MAD1L1: variants seen among roughly 807,000 people sequenced by gnomAD.
The protein encoded by MAD1L1 is mitotic spindle assembly checkpoint protein MAD1.
MAD1L1 carries 95 observed loss-of-function variants against 96.9 expected under a neutral mutation model. The ratio of observed to expected loss-of-function variants is 0.98; its 90% CI spans 0.83 to 1.16. MAD1L1 has a LOEUF of 1.16. Among genes scored for constraint, MAD1L1 ranks in the 50% most tolerant of loss-of-function variants. MAD1L1 has a pLI of 0.00. For missense variants in MAD1L1, 1,007 were observed against 954.4 expected (o/e 1.06, Z -0.73); for synonymous variants, 473 against 396.6 (o/e 1.19, Z -2.29).
chr7:2,046,399 G>A (rs1325772602), intron 12 of MAD1L1, among the ~76,000 whole-genome samples: 2 of 152,240 alleles, frequency 1.3e-5, no homozygotes, highest in Non-Finnish European at 2.9e-5. Context: ...TCCCAGGCCC[G>A]GCGCCCGTGC....
chr7:2,093,040 A>G (rs961108505), intron 11 of MAD1L1, among the ~76,000 whole-genome samples: 1 of 151,840 alleles, frequency 6.6e-6, no homozygotes, highest in African/African-American at 2.4e-5. Flanking sequence ...GTTCAAGACC[A>G]GCCTGGCCAA....
intron 14 of MAD1L1, among the ~76,000 whole-genome samples, chr7:1,994,519 G>A (rs1422148520): frequency 6.6e-6 from 1 of 152,054 alleles, no homozygotes; most frequent in Non-Finnish European, 1.5e-5. Flanking sequence ...GGAGGACTGG[G>A]CAGGGCAGTG....
Position 1,851,818 on chromosome 7 carries a change from C to A in MAD1L1, c.1999-35590G>T, listed in dbSNP as rs936106950. ...CTAACTGATCTGTGACGCCTGCCTG[C>A]CAAAGGCCAGGCCTCCTAGGTGCTG... On this transcript the variant is annotated intron_variant, in intron 18 of 18. Transcript: ENST00000265854. Among the ~76,000 whole-genome samples, 16 of 152,170 alleles carry A rather than the reference C, an allele frequency of 1.1e-4. 1 individual carries two copies. The highest frequency in any genetic ancestry group is 4.6e-4 in the Admixed American group (7 of 15,276).
chr7:2,171,537 T>C (rs571400862), intron 10 of MAD1L1, among the ~76,000 whole-genome samples: 1 of 134,022 alleles, frequency 7.5e-6, no homozygotes, highest in Non-Finnish European at 1.5e-5. Flanking sequence ...ACCTCCACCG[T>C]GCAAAGGACA....
intron 16 of MAD1L1, among the ~76,000 whole-genome samples, chr7:1,952,814 G>A (rs1232106494): frequency 1.3e-5 from 2 of 152,366 alleles, no homozygotes; most frequent in East Asian, 3.9e-4. Context: ...CATGGTAGAA[G>A]GTTCAGGAGA....
At chr7:2,045,837 T>C (rs1783895114) in intron 12 of MAD1L1, among the ~76,000 whole-genome samples, 1 of 152,130 alleles carries the variant, frequency 6.6e-6, no homozygotes, top group Non-Finnish European at 1.5e-5. Flanking sequence ...TCCCTAAGCC[T>C]CGGAGCACAT....
intron 11 of MAD1L1, among the ~76,000 whole-genome samples, chr7:2,139,493 A>T (rs1788920016): frequency 6.6e-6 from 1 of 152,202 alleles, no homozygotes; most frequent in African/African-American, 2.4e-5. Flanking sequence ...TCTCAGGAGG[A>T]ACCAGACACT....
chr7:2,147,777 A>C (rs1470859687), intron 11 of MAD1L1, among the ~76,000 whole-genome samples: 1 of 152,224 alleles, frequency 6.6e-6, no homozygotes, highest in Non-Finnish European at 1.5e-5. Flanking sequence ...CCATGGGCTC[A>C]ATCCACATCT....
chr7:2,033,086 C>A (rs987549744), intron 12 of MAD1L1, among the ~76,000 whole-genome samples: 1 of 152,248 alleles, frequency 6.6e-6, no homozygotes, highest in African/African-American at 2.4e-5. Context: ...TAAACAGACG[C>A]AGAACTCCGA....
chr7:2,211,668 A>C (rs980431851), intron 10 of MAD1L1, among the ~76,000 whole-genome samples: 2 of 152,206 alleles, frequency 1.3e-5, no homozygotes, highest in African/African-American at 4.8e-5. Flanking sequence ...CCGGCCCTAC[A>C]GAAGTCTGTG....
chr7:2,047,627 G>T lies in MAD1L1; in HGVS notation c.1218+21567C>A, dbSNP rs9639201. ...GTCTCGTGGGAAAAGAAGCCAAAAT[G>T]CATAAAAGAACCAGTGTTCCAGAAT... On this transcript the variant is annotated intron_variant, in intron 12 of 18. Coordinates refer to ENST00000265854, the MANE Select transcript of MAD1L1 (RefSeq NM_001013836.2). Among the ~76,000 whole-genome samples, 821 of 152,348 alleles carry T rather than the reference G, an allele frequency of 5.4e-3. 24 individuals carry two copies. The East Asian group carries it at 0.091, about 17-fold the overall frequency.
chr7:1,940,373 T>TG (rs1195643051), intron 16 of MAD1L1: 2 of 152,248 alleles, frequency 1.3e-5, no homozygotes, highest in Non-Finnish European at 2.9e-5. Flanking sequence ...CACAGACTCT[T>TG]GGGGTTGAAA....
chr7:1,932,778 C>G (rs1341541387), intron 17 of MAD1L1, among the ~76,000 whole-genome samples: 1 of 152,238 alleles, frequency 6.6e-6, no homozygotes. Flanking sequence ...TGAGGCACTT[C>G]TGTTATCATC....
intron 11 of MAD1L1, among the ~76,000 whole-genome samples, chr7:2,113,966 G>A (rs1023265549): frequency 6.6e-6 from 1 of 152,152 alleles, no homozygotes; most frequent in African/African-American, 2.4e-5. Flanking sequence ...GCCACCAAAC[G>A]CCATGGGGAT....
At chr7:1,904,201 G>A (rs150207370) in intron 17 of MAD1L1, among the ~76,000 whole-genome samples, 1,112 of 138,906 alleles carry the variant, frequency 8.0e-3, no homozygotes, top group African/African-American at 0.036. Flanking sequence ...CACTGTTCCA[G>A]GCAGCGAGCA....
chr7:2,182,820 C>T (rs1277372053), intron 10 of MAD1L1, among the ~76,000 whole-genome samples: 3 of 152,190 alleles, frequency 2.0e-5, no homozygotes, highest in Non-Finnish European at 2.9e-5. Context: ...CAGGGAACTT[C>T]GGCCAACTGG....
intron 11 of MAD1L1, among the ~76,000 whole-genome samples, chr7:2,071,960 T>C (rs921316890): frequency 2.6e-5 from 4 of 152,186 alleles, no homozygotes; most frequent in Non-Finnish European, 5.9e-5. Flanking sequence ...TGCGCATCCA[T>C]TCATCTGCAT....
chr7:2,004,850 T>C (rs1206616586), intron 13 of MAD1L1, among the ~76,000 whole-genome samples: 1 of 152,130 alleles, frequency 6.6e-6, no homozygotes, highest in Non-Finnish European at 1.5e-5. Context: ...CATCGATGGC[T>C]GGAAAAAACA....
At chr7:2,191,821 A>C (rs1791733774) in intron 10 of MAD1L1, among the ~76,000 whole-genome samples, 1 of 152,146 alleles carries the variant, frequency 6.6e-6, no homozygotes, top group African/African-American at 2.4e-5. Flanking sequence ...TCATGAGGTC[A>C]GGAGTTCGAG....
Sources: allele counts gnomAD v4.1 joint callset (sites outside exome capture counted in the v4.1 genomes callset), GRCh38; gene constraint gnomAD v4.1.1; transcripts MANE v1.5; gene names NCBI Gene and HGNC (gene_info 2026-07-23, HGNC 2026-07-21).